Variants in PLEKHA5 observed in about 807,000 individuals in gnomAD.
The protein encoded by PLEKHA5 is pleckstrin homology domain-containing family A member 5.
PLEKHA5 carries 55 observed loss-of-function variants against 181.9 expected under a neutral mutation model. The ratio of observed to expected loss-of-function variants is 0.30; its 90% CI spans 0.24 to 0.38. The LOEUF is 0.38. Ranked by LOEUF, PLEKHA5 falls within the 10% of genes least tolerant of loss-of-function variation. The pLI is 1.00. For missense variants in PLEKHA5, 1,432 were observed against 1,549.5 expected (o/e 0.92, Z 1.27); for synonymous variants, 535 against 529.4 (o/e 1.01, Z -0.15).
intron 3 of PLEKHA5, chr12:19,153,799 A>G (rs1288750322): frequency 6.6e-6 from 1 of 152,188 alleles, no homozygotes; most frequent in Non-Finnish European, 1.5e-5. Context: ...TATTTATGAT[A>G]ACAAAGTGAA....
chr12:19,361,738 A>T, intron 29 of PLEKHA5, 32 bp downstream of exon 29: 1 of 1,566,852 alleles, frequency 6.4e-7, no homozygotes, highest in Non-Finnish European at 8.7e-7. Flanking sequence ...GGAATCATTC[A>T]CAAAACTGTG....
chr12:19,216,574 A>G (rs1378090283), intron 3 of PLEKHA5, among the ~76,000 whole-genome samples: 1 of 151,930 alleles, frequency 6.6e-6, no homozygotes, highest in Non-Finnish European at 1.5e-5. Context: ...GAGGCAAGAG[A>G]ATTGCTTGAA....
intron 3 of PLEKHA5, among the ~76,000 whole-genome samples, chr12:19,148,488 C>T (rs983591863): frequency 2.0e-5 from 3 of 152,206 alleles, no homozygotes; most frequent in African/African-American, 4.8e-5. Flanking sequence ...TACGTGTGGG[C>T]GACGGGCCTA....
chr12:19,363,296 C>A (rs140714945), intron 29 of PLEKHA5, among the ~76,000 whole-genome samples: 1 of 151,056 alleles, frequency 6.6e-6, no homozygotes, highest in African/African-American at 2.4e-5. Flanking sequence ...AGACTACAGG[C>A]GCGTGTCACC....
At chr12:19,276,571 A>G (rs565256488) in intron 11 of PLEKHA5, among the ~76,000 whole-genome samples, 1 of 152,264 alleles carries the variant, frequency 6.6e-6, no homozygotes, top group East Asian at 1.9e-4. Context: ...CTCACCTGTA[A>G]TCTCAGCTAC....
At chr12:19,277,367 A>T (rs964489503) in intron 11 of PLEKHA5, among the ~76,000 whole-genome samples, 21 of 152,180 alleles carry the variant, frequency 1.4e-4, no homozygotes, top group African/African-American at 5.1e-4. Flanking sequence ...GAGGATTTTT[A>T]AAAATTGTGA....
In PLEKHA5 at chr12:19,347,046, C is replaced by T; in HGVS notation, c.2762C>T (p.Thr921Ile). ...RPPLPRSYDF[T>I]EQPPIIPPLP... Reference sequence around the variant, plus strand: ...CCACTTCCTCGGTCCTATGACTTTACAGAGCAGCCTCCCATAATCCCCCCT... The same window carrying T: ...CCACTTCCTCGGTCCTATGACTTTATAGAGCAGCCTCCCATAATCCCCCCT... The change falls in exon 24 of 32, where the codon ACA (threonine) becomes ATA (isoleucine). Residue 921 changes from threonine (T) to isoleucine (I), a missense_variant. By Grantham distance (89) the Thr-to-Ile change is moderately conservative (BLOSUM62 -1). Transcript: ENST00000429027. 6.4e-7 allele frequency: 1 copy of T among 1,551,638 alleles called. No individual in the cohort carries two copies. Among genetic ancestry groups the T allele is most frequent in the Non-Finnish European group, 8.7e-7 (1 of 1,146,804 alleles).
intron 3 of PLEKHA5, among the ~76,000 whole-genome samples, chr12:19,191,290 G>C (rs531713379): frequency 6.6e-6 from 1 of 152,176 alleles, no homozygotes; most frequent in Non-Finnish European, 1.5e-5. Context: ...GAGTGAAGTA[G>C]GGATTATTTC....
At chr12:19,334,112 G>C (rs1307345102) in intron 20 of PLEKHA5, among the ~76,000 whole-genome samples, 1 of 152,184 alleles carries the variant, frequency 6.6e-6, no homozygotes, top group East Asian at 1.9e-4. Context: ...ATATAATCTA[G>C]TAAATTCTTT....
chr12:19,339,563 A>G (rs898248980), intron 21 of PLEKHA5, among the ~76,000 whole-genome samples: 5 of 152,202 alleles, frequency 3.3e-5, no homozygotes, highest in African/African-American at 1.2e-4. Flanking sequence ...CATTATCACA[A>G]TGAAAATTCT....
At chr12:19,347,446 C>T (rs905301716) in intron 24 of PLEKHA5, among the ~76,000 whole-genome samples, 1 of 151,336 alleles carries the variant, frequency 6.6e-6, no homozygotes, top group African/African-American at 2.4e-5. Context: ...TAACTTTTCC[C>T]ATGATGAAGC....
intron 3 of PLEKHA5, among the ~76,000 whole-genome samples, chr12:19,226,943 A>G (rs972544974): frequency 6.7e-5 from 7 of 104,600 alleles, no homozygotes; most frequent in East Asian, 4.3e-4. Context: ...CTGGATAGCA[A>G]TTTTTAAGTT....
intron 3 of PLEKHA5, among the ~76,000 whole-genome samples, chr12:19,222,297 T>C (rs1169677781): frequency 1.3e-5 from 2 of 152,184 alleles, no homozygotes; most frequent in Non-Finnish European, 2.9e-5. Context: ...AATATTTATG[T>C]TCATTTCCTA....
chr12:19,358,041 C>G (rs2095046432), intron 26 of PLEKHA5, among the ~76,000 whole-genome samples, 187 bp from the exon 27 acceptor site: 1 of 152,108 alleles, frequency 6.6e-6, no homozygotes, highest in Admixed American at 6.6e-5. Context: ...GCATACATCA[C>G]CAATTACTAG....
At chr12:19,370,579 T>C (rs1410781782) in intron 31 of PLEKHA5, 1 of 152,192 alleles carries the variant, frequency 6.6e-6, no homozygotes. Flanking sequence ...GCATCTACCA[T>C]ATCTAGTAAG....
chr12:19,361,342 C>A (rs567810873), intron 28 of PLEKHA5, among the ~76,000 whole-genome samples: 7 of 152,078 alleles, frequency 4.6e-5, no homozygotes, highest in Admixed American at 1.3e-4. Flanking sequence ...GCCACCACAC[C>A]CCACTAATTT....
chr12:19,365,842 GATT>G (rs2095409552), intron 29 of PLEKHA5, 119 bp from the exon 30 acceptor site: 1 of 619,608 alleles, frequency 1.6e-6, no homozygotes, highest in Non-Finnish European at 2.7e-6. Flanking sequence ...AGAAAGAAAA[GATT>G]AATTGTAAGA....
intron 15 of PLEKHA5, among the ~76,000 whole-genome samples, chr12:19,308,898 C>T (rs1055035236): frequency 1.3e-5 from 2 of 151,056 alleles, no homozygotes; most frequent in African/African-American, 4.9e-5. Flanking sequence ...AACACAAACG[C>T]ACACACACAC....
At chr12:19,357,739 C>T (rs1490383646) in intron 26 of PLEKHA5, among the ~76,000 whole-genome samples, 1 of 150,550 alleles carries the variant, frequency 6.6e-6, no homozygotes, top group African/African-American at 2.4e-5. Flanking sequence ...GGGCTCAAAC[C>T]ATCCTCCTAC....
Sources: gnomAD v4.1 joint callset for allele counts (sites outside exome capture counted in the v4.1 genomes callset) on GRCh38, gnomAD v4.1.1 for gene constraint, MANE v1.5 for transcripts, NCBI Gene and HGNC (gene_info 2026-07-23, HGNC 2026-07-21) for gene names.